MACROD2: variants seen among roughly 807,000 people sequenced by gnomAD.
The protein encoded by MACROD2 is ADP-ribose glycohydrolase MACROD2.
Under a neutral mutation model 70.4 loss-of-function variants are expected in MACROD2, and 36 were observed. That is an observed-to-expected ratio of 0.51 (90% CI 0.39 to 0.68). The LOEUF (loss-of-function observed/expected upper bound fraction) is 0.68. MACROD2 is among the 30% of genes least tolerant of loss of function. MACROD2 has a pLI of 0.00. For missense variants in MACROD2, 496 were observed against 538.4 expected (o/e 0.92, Z 0.78); for synonymous variants, 172 against 178.8 (o/e 0.96, Z 0.30).
At position 14,467,511 on chromosome 20, in the gene MACROD2, T is replaced by C. The variant is rs934173651; in HGVS notation, c.272-25968T>C. On this transcript the variant is annotated intron_variant, in intron 3 of 17. Transcript: ENST00000684519. ...GGTGAGGCGATGCCTCTCCCTGCTT[T>C]GGCTCACGCATGGTGCGCTGCCCCC... 2.6e-5 allele frequency among the ~76,000 whole-genome samples: 4 copies of C among 152,226 alleles called. No homozygotes were observed. In the East Asian group the frequency reaches 7.7e-4, roughly 29 times the overall value.
At chr20:14,174,242 G>A (rs1025291090) in intron 3 of MACROD2, among the ~76,000 whole-genome samples, 1 of 152,098 alleles carries the variant, frequency 6.6e-6, no homozygotes, top group Admixed American at 6.6e-5. Context: ...AAGGGATTAT[G>A]TCCTTTGTCT....
At chr20:14,512,068 A>G (rs1252144991) in intron 4 of MACROD2, among the ~76,000 whole-genome samples, 1 of 152,172 alleles carries the variant, frequency 6.6e-6, no homozygotes, top group East Asian at 1.9e-4. Context: ...AGAGTAGGGA[A>G]GATTGAAGAG....
chr20:14,241,426 T>C (rs1157898079), intron 3 of MACROD2, among the ~76,000 whole-genome samples: 1 of 152,062 alleles, frequency 6.6e-6, no homozygotes, highest in Admixed American at 6.6e-5. Flanking sequence ...GATAACAACA[T>C]GAACCACTGC....
chr20:14,082,471 C>T (rs1473905570), intron 2 of MACROD2, among the ~76,000 whole-genome samples: 1 of 151,238 alleles, frequency 6.6e-6, no homozygotes, highest in South Asian at 2.1e-4. Context: ...GGATTACAGG[C>T]GTGAGCCACC....
chr20:14,030,952 G>C (rs953489562), intron 2 of MACROD2, among the ~76,000 whole-genome samples: 1 of 152,148 alleles, frequency 6.6e-6, no homozygotes, highest in African/African-American at 2.4e-5. Context: ...TAGATATATC[G>C]TTTTCTTATC....
chr20:14,840,271 C>T (rs1163370069), intron 5 of MACROD2, among the ~76,000 whole-genome samples: 2 of 152,170 alleles, frequency 1.3e-5, no homozygotes, highest in Non-Finnish European at 2.9e-5. Flanking sequence ...CTCCTGGCCT[C>T]TAGTGATCTG....
intron 5 of MACROD2, among the ~76,000 whole-genome samples, chr20:15,214,783 A>G (rs965114633): frequency 1.3e-5 from 2 of 152,158 alleles, no homozygotes; most frequent in African/African-American, 4.8e-5. Flanking sequence ...CTCCTTCAGG[A>G]GGAGATAAGC....
chr20:15,120,151 G>C (rs2076019664), intron 5 of MACROD2, among the ~76,000 whole-genome samples: 1 of 152,212 alleles, frequency 6.6e-6, no homozygotes, highest in South Asian at 2.1e-4. Context: ...AGCTTAGCAA[G>C]AAAGGTAAAG....
intron 5 of MACROD2, among the ~76,000 whole-genome samples, chr20:14,760,273 G>A (rs992564729): frequency 3.3e-5 from 5 of 152,064 alleles, no homozygotes; most frequent in Admixed American, 1.3e-4. Flanking sequence ...TTTCCAGGTG[G>A]TGGCAAGCTG....
intron 4 of MACROD2, among the ~76,000 whole-genome samples, chr20:14,669,415 T>G (rs1266640061): frequency 6.6e-6 from 1 of 152,006 alleles, no homozygotes; most frequent in Non-Finnish European, 1.5e-5. Flanking sequence ...TCTTTTTTGC[T>G]CCTTAATATT....
intron 6 of MACROD2, among the ~76,000 whole-genome samples, chr20:15,234,534 A>C (rs1288900888): frequency 6.6e-6 from 1 of 152,282 alleles, no homozygotes; most frequent in East Asian, 1.9e-4. Flanking sequence ...AAAAAGAAAA[A>C]AGACCCAGGT....
intron 3 of MACROD2, among the ~76,000 whole-genome samples, chr20:14,229,184 A>C (rs1461330642): frequency 6.6e-6 from 1 of 152,156 alleles, no homozygotes; most frequent in Admixed American, 6.5e-5. Context: ...TTTAGATACA[A>C]CACCAAAAAC....
At chr20:15,276,599 GC>G (rs148810321) in intron 6 of MACROD2, among the ~76,000 whole-genome samples, 4,021 of 152,150 alleles carry the variant, frequency 0.026, 69 homozygotes, top group Middle Eastern at 0.095. Context: ...AAAATACGGG[GC>G]CCTTTCTTCT....
At chr20:15,757,965 G>C (rs1334493201) in intron 8 of MACROD2, among the ~76,000 whole-genome samples, 1 of 152,160 alleles carries the variant, frequency 6.6e-6, no homozygotes, top group African/African-American at 2.4e-5. Context: ...TTCTGACTTT[G>C]TATCTACTCC....
chr20:15,725,488 T>C (rs1485501878), intron 8 of MACROD2, among the ~76,000 whole-genome samples: 1 of 151,402 alleles, frequency 6.6e-6, no homozygotes, highest in Non-Finnish European at 1.5e-5. Flanking sequence ...TTTGTTGAGC[T>C]TTTAGATTTT....
chr20:15,192,043 T>C (rs1027084331), intron 5 of MACROD2, among the ~76,000 whole-genome samples: 5 of 151,674 alleles, frequency 3.3e-5, no homozygotes, highest in African/African-American at 1.2e-4. Flanking sequence ...TCTATCTATC[T>C]ATCTATCTAT....
At chr20:15,675,038 C>T (rs572775657) in intron 8 of MACROD2, among the ~76,000 whole-genome samples, 2 of 152,212 alleles carry the variant, frequency 1.3e-5, no homozygotes, top group East Asian at 3.9e-4. Context: ...AATGTTCTGC[C>T]CTGCTCTAGA....
At chr20:15,412,653 G>C (rs533896267) in intron 6 of MACROD2, among the ~76,000 whole-genome samples, 1 of 152,230 alleles carries the variant, frequency 6.6e-6, no homozygotes, top group African/African-American at 2.4e-5. Flanking sequence ...TTAAATTATC[G>C]AGACTGTAGG....
At chr20:15,088,427 AT>A (rs1470955913) in intron 5 of MACROD2, among the ~76,000 whole-genome samples, 8 of 36,356 alleles carry the variant, frequency 2.2e-4, no homozygotes, top group African/African-American at 4.4e-4. Flanking sequence ...ATATATATAT[AT>A]ATATATATAT....
Sources: allele counts gnomAD v4.1 joint callset (sites outside exome capture counted in the v4.1 genomes callset), GRCh38; gene constraint gnomAD v4.1.1; transcripts MANE v1.5; gene names NCBI Gene and HGNC (gene_info 2026-07-23, HGNC 2026-07-21).